The following ERCC8 variants were observed in gnomAD, a reference collection of about 807,000 sequenced individuals.
ERCC8 encodes ERCC excision repair 8, CSA ubiquitin ligase complex subunit.
ERCC8 carries 52 observed loss-of-function variants against 54.9 expected under a neutral mutation model. The ratio of observed to expected loss-of-function variants is 0.95; its 90% CI spans 0.76 to 1.19. The LOEUF (loss-of-function observed/expected upper bound fraction) is 1.19. ERCC8 is among the 50% of genes most tolerant of loss of function. The pLI, the probability that ERCC8 is intolerant of heterozygous loss-of-function variation, is 0.00. For synonymous variants in ERCC8, 146 were observed against 157.2 expected, an observed-to-expected ratio of 0.93 and a Z score of 0.53; for missense variants, 514 against 466.1, an observed-to-expected ratio of 1.10 and a Z score of -0.95.
chr5:60,901,327 G>A (rs1280014010), intron 7 of ERCC8, among the ~76,000 whole-genome samples: 3 of 151,752 alleles, frequency 2.0e-5, no homozygotes, highest in Admixed American at 6.6e-5. Context: ...TGTAGACACC[G>A]AAAATTGTTA....
intron 4 of ERCC8, among the ~76,000 whole-genome samples, chr5:60,905,430 T>C (rs552903379): frequency 6.6e-6 from 1 of 152,188 alleles, no homozygotes; most frequent in African/African-American, 2.4e-5. Flanking sequence ...CAAGGTCCAA[T>C]ACCAATACCA....
rs772858650 is a variant in ERCC8 at position 60,945,000 on chromosome 5, C to T, written c.9G>A (p.Gly3=). ...AACCCGTTTGGCGTGCGGACAAAAA[C>T]CCCAGCATATCGTGTCCTCACACCG... ML[G]FLSARQTGLE... Residue 3 remains glycine (G), a synonymous_variant, in exon 1 of 12, where the codon GGG becomes GGA. Coordinates refer to ENST00000676185, the MANE Select transcript of ERCC8 (RefSeq NM_000082.4). 9.9e-6 allele frequency: 16 copies of T among 1,613,842 alleles called. No homozygotes were observed. The highest frequency in any genetic ancestry group is 4.2e-6 in the Non-Finnish European group (5 of 1,179,844).
intron 5 of ERCC8, among the ~76,000 whole-genome samples, 140 bp downstream of exon 5, chr5:60,904,632 GTGTATATATATATATATATA>G (rs1482493950): frequency 2.8e-4 from 10 of 35,866 alleles, no homozygotes; most frequent in East Asian, 2.6e-3. Flanking sequence ...GTGTGTGTGT[GTGTATATATATATATATATA>G]TATATATATA....
intron 9 of ERCC8, among the ~76,000 whole-genome samples, chr5:60,896,446 G>A (rs536201996): frequency 2.6e-5 from 4 of 152,000 alleles, no homozygotes; most frequent in Non-Finnish European, 5.9e-5. Context: ...TCCTGACCTC[G>A]TGATCCACCC....
At chr5:60,928,210 A>G (rs1749807967) in intron 2 of ERCC8, among the ~76,000 whole-genome samples, 1 of 152,212 alleles carries the variant, frequency 6.6e-6, no homozygotes, top group South Asian at 2.1e-4. Flanking sequence ...AGTTTTTCAA[A>G]GCATTTTGGC....
chr5:60,904,630 GTGTGTATA>G (rs1373856785), intron 5 of ERCC8, among the ~76,000 whole-genome samples, 154 bp downstream of exon 5: 454 of 44,332 alleles, frequency 0.01, 2 homozygotes, highest in East Asian at 0.047. Context: ...TAGTGTGTGT[GTGTGTATA>G]TATATATATA....
chr5:60,916,053 G>A (rs1749425205), intron 4 of ERCC8, among the ~76,000 whole-genome samples: 1 of 151,984 alleles, frequency 6.6e-6, no homozygotes, highest in African/African-American at 2.4e-5. Flanking sequence ...CCAGTACCAT[G>A]TGACTGGGGA....
At chr5:60,875,292 T>C (rs939760301) in intron 11 of ERCC8, among the ~76,000 whole-genome samples, 3 of 152,220 alleles carry the variant, frequency 2.0e-5, no homozygotes, top group African/African-American at 7.2e-5. Flanking sequence ...GGTAGGGCAG[T>C]TCAGTAAAAC....
chr5:60,942,822 GT>G (rs1561521335), intron 1 of ERCC8, among the ~76,000 whole-genome samples: 1 of 152,062 alleles, frequency 6.6e-6, no homozygotes, highest in Non-Finnish European at 1.5e-5. Context: ...GTTGTAAAAT[GT>G]TTTTTTAGAG....
intron 10 of ERCC8, 139 bp downstream of exon 10, chr5:60,890,750 T>G: frequency 1.5e-6 from 1 of 686,614 alleles, no homozygotes; most frequent in African/African-American, 1.8e-5. Flanking sequence ...GGCTGTGCTA[T>G]TCTCTATTAA....
intron 4 of ERCC8, among the ~76,000 whole-genome samples, chr5:60,913,721 TG>T (rs1367221821): frequency 1.3e-5 from 2 of 152,186 alleles, no homozygotes; most frequent in Non-Finnish European, 2.9e-5. Flanking sequence ...CTTTCTCTTC[TG>T]GGCATTTAGT....
At chr5:60,907,638 G>A (rs1749117755) in intron 4 of ERCC8, 1 of 152,108 alleles carries the variant, frequency 6.6e-6, no homozygotes, top group Non-Finnish European at 1.5e-5. Context: ...AGCACTGTCA[G>A]AAATCTCACC....
chr5:60,929,233 TG>T (rs1749838161), intron 1 of ERCC8, among the ~76,000 whole-genome samples: 1 of 152,158 alleles, frequency 6.6e-6, no homozygotes, highest in Non-Finnish European at 1.5e-5. Flanking sequence ...GGACATCTAA[TG>T]GACAAAAGCA....
intron 1 of ERCC8, among the ~76,000 whole-genome samples, chr5:60,943,000 G>A (rs1026736423): frequency 6.6e-6 from 1 of 152,096 alleles, no homozygotes; most frequent in East Asian, 1.9e-4. Context: ...AGGCTGTGTG[G>A]TAGCTCGCAC....
chr5:60,890,844 G>T, intron 10 of ERCC8, 45 bp downstream of exon 10: 2 of 1,406,020 alleles, frequency 1.4e-6, no homozygotes, highest in Middle Eastern at 1.8e-4. Flanking sequence ...AACTGGTCTG[G>T]CAAGCTAGCT....
At position 60,874,697 on chromosome 5, in the gene ERCC8, AGATAAAG is replaced by A; in HGVS notation, c.1123-21_1123-15del. ...TTTTGTTGTAGTCTAAAAAAAAAAAAGATAAAGAAAAAGGAAGATTCTGTTTTTTCTA... is the reference window on the plus strand; with the variant it reads ...TTTTGTTGTAGTCTAAAAAAAAAAAAAAAAAGGAAGATTCTGTTTTTTCTA... On this transcript the variant is annotated splice_polypyrimidine_tract_variant and intron_variant, in intron 11 of 11. Transcript: ENST00000676185. 1 of 1,577,484 alleles carries A rather than the reference AGATAAAG, an allele frequency of 6.3e-7. No homozygotes were observed. The highest frequency in any genetic ancestry group is 8.6e-7 in the Non-Finnish European group (1 of 1,158,138).
intron 1 of ERCC8, among the ~76,000 whole-genome samples, chr5:60,942,831 G>A (rs78162412): frequency 0.037 from 5,585 of 152,170 alleles, 182 homozygotes; most frequent in East Asian, 0.16. Flanking sequence ...TGTTTTTTTA[G>A]AGGGTGTAAA....
In ERCC8 at chr5:60,898,340, A is replaced by T; in HGVS notation, c.779T>A (p.Leu260His). Residue 260 changes from leucine to histidine, a missense_variant, in exon 9 of 12, where the codon CTC becomes CAC. By Grantham distance (99) the Leu-to-His change is moderately conservative. Coordinates refer to ENST00000676185, the MANE Select transcript of ERCC8 (RefSeq NM_000082.4). Reference protein sequence around the residue: ...GLCFTSDGLHLLTVGTDNRMR... With the variant: ...GLCFTSDGLHHLTVGTDNRMR... ...TCGATTATCTGTACCAACAGTGAGG[A>T]GGTGAAGTCCATCACTTGTAAAACA... 1 of 1,613,194 alleles carries T rather than the reference A, an allele frequency of 6.2e-7. No homozygotes were observed. The highest frequency in any genetic ancestry group is 8.5e-7 in the Non-Finnish European group (1 of 1,179,248).
rs1747821223 is a variant in ERCC8 at position 60,869,596 on chromosome 5, A to C, written c.*5019T>G. Among the ~76,000 whole-genome samples the C allele has an allele frequency of 6.6e-6, 1 of 152,186 alleles. No individual in the cohort carries two copies. The highest frequency in any genetic ancestry group is 1.5e-5 in the Non-Finnish European group (1 of 68,024). On this transcript the variant is annotated 3_prime_UTR_variant, in exon 12 of 12. Coordinates refer to ENST00000676185, the MANE Select transcript of ERCC8 (RefSeq NM_000082.4). ...CACAAGGAACACTTCAGTTCATGGGATAACTTTTTTTCTCTATTAAGGTGT... is the reference window on the plus strand; with the variant it reads ...CACAAGGAACACTTCAGTTCATGGGCTAACTTTTTTTCTCTATTAAGGTGT...
Sources: allele counts gnomAD v4.1 joint callset (sites outside exome capture counted in the v4.1 genomes callset), GRCh38; gene constraint gnomAD v4.1.1; transcripts MANE v1.5; gene names NCBI Gene and HGNC (gene_info 2026-07-23, HGNC 2026-07-21).